Variants in ASAP1 observed in about 807,000 individuals in gnomAD.
ASAP1 encodes the protein ArfGAP with SH3 domain, ankyrin repeat and PH domain 1, also known as arf-GAP with SH3 domain, ANK repeat and PH domain-containing protein 1.
In ASAP1, 43 loss-of-function variants were observed where a neutral mutation model predicts 145.2. The ratio of observed to expected loss-of-function variants is 0.30; its 90% CI spans 0.23 to 0.38. The LOEUF (loss-of-function observed/expected upper bound fraction) is 0.38. ASAP1 is among the 10% of genes least tolerant of loss of function. The pLI is 1.00. For synonymous variants in ASAP1, 546 were observed against 515.5 expected, an observed-to-expected ratio of 1.06 and a Z score of -0.80; for missense variants, 1,018 against 1,355.3, an observed-to-expected ratio of 0.75 and a Z score of 3.91.
intron 2 of ASAP1, among the ~76,000 whole-genome samples, chr8:130,390,439 A>G (rs1016857945): frequency 2.6e-5 from 4 of 152,236 alleles, no homozygotes; most frequent in Non-Finnish European, 5.9e-5. Context: ...CACCAAACTC[A>G]GTCAAGATTT....
chr8:130,412,418 C>T (rs981045982), intron 1 of ASAP1, among the ~76,000 whole-genome samples: 1 of 151,902 alleles, frequency 6.6e-6, no homozygotes, highest in African/African-American at 2.4e-5. Flanking sequence ...CTTGCTCCTG[C>T]TTGGGCCATG....
At chr8:130,302,758 G>A (rs942054609) in intron 3 of ASAP1, among the ~76,000 whole-genome samples, 4 of 152,234 alleles carry the variant, frequency 2.6e-5, no homozygotes, top group Non-Finnish European at 5.9e-5. Context: ...GGGGCTAGGA[G>A]GAGCTGAATC....
At chr8:130,074,482 C>CAG (rs1211511318) in intron 27 of ASAP1, among the ~76,000 whole-genome samples, 13 of 142,234 alleles carry the variant, frequency 9.1e-5, no homozygotes, top group South Asian at 4.5e-4. Context: ...CACACACACA[C>CAG]ACACAGAGAG....
intron 1 of ASAP1, among the ~76,000 whole-genome samples, chr8:130,443,108 G>T (rs1381263780): frequency 6.6e-6 from 1 of 152,044 alleles, no homozygotes; most frequent in East Asian, 1.9e-4. Context: ...CGCCAAGCAC[G>T]TCGTCCCGGG....
At chr8:130,216,556 T>C (rs1392788874) in intron 4 of ASAP1, among the ~76,000 whole-genome samples, 1 of 152,182 alleles carries the variant, frequency 6.6e-6, no homozygotes, top group Non-Finnish European at 1.5e-5. Flanking sequence ...TCACGACTGG[T>C]CCTCTCCATT....
intron 3 of ASAP1, among the ~76,000 whole-genome samples, chr8:130,354,979 G>C (rs1826219736): frequency 6.6e-6 from 1 of 152,158 alleles, no homozygotes; most frequent in African/African-American, 2.4e-5. Context: ...TCGGCCTCCC[G>C]GGTTCATATG....
intron 24 of ASAP1, among the ~76,000 whole-genome samples, chr8:130,105,408 C>CA: frequency 6.6e-6 from 1 of 152,204 alleles, no homozygotes; most frequent in Non-Finnish European, 1.5e-5. Context: ...GATAACTGTA[C>CA]ATTGTGAAAT....
intron 2 of ASAP1, chr8:130,360,816 T>C (rs1334906556): frequency 2.6e-5 from 4 of 152,250 alleles, no homozygotes; most frequent in Non-Finnish European, 4.4e-5. Context: ...TCATGTGCCA[T>C]AGTTGACAGA....
chr8:130,136,926 A>G, intron 14 of ASAP1, 25 bp downstream of exon 14: 1 of 1,601,810 alleles, frequency 6.2e-7, no homozygotes, highest in Non-Finnish European at 8.6e-7. Context: ...ACAATAACCA[A>G]CTCAGAGAGA....
chr8:130,133,303 A>G (rs567018426), intron 15 of ASAP1, among the ~76,000 whole-genome samples: 1 of 152,350 alleles, frequency 6.6e-6, no homozygotes, highest in South Asian at 2.1e-4. Context: ...CAGGGCTAGC[A>G]TTTTAAAAAA....
At chr8:130,229,725 G>T (rs555449026) in intron 4 of ASAP1, among the ~76,000 whole-genome samples, 11 of 152,118 alleles carry the variant, frequency 7.2e-5, no homozygotes, top group African/African-American at 2.7e-4. Context: ...CAAATTTGTT[G>T]TTCATCCTAA....
chr8:130,132,399 A>G (rs1395180533), intron 15 of ASAP1, among the ~76,000 whole-genome samples: 2 of 152,116 alleles, frequency 1.3e-5, no homozygotes, highest in Non-Finnish European at 2.9e-5. Flanking sequence ...ACCCATAACA[A>G]CAAGTCATCA....
intron 13 of ASAP1, among the ~76,000 whole-genome samples, chr8:130,150,334 G>A (rs1216968579): frequency 2.0e-5 from 3 of 152,134 alleles, no homozygotes; most frequent in Non-Finnish European, 2.9e-5. Flanking sequence ...AGGGGGAAGG[G>A]AACTTATTTT....
At chr8:130,347,398 G>A (rs16904252) in intron 3 of ASAP1, among the ~76,000 whole-genome samples, 11,816 of 152,270 alleles carry the variant, frequency 0.078, 576 homozygotes, top group South Asian at 0.26. Flanking sequence ...CATCTTCCAA[G>A]CGTCACTGAG....
At chr8:130,129,905 T>A (rs6996058) in intron 15 of ASAP1, among the ~76,000 whole-genome samples, 94 of 152,312 alleles carry the variant, frequency 6.2e-4, no homozygotes, top group African/African-American at 2.2e-3. Flanking sequence ...TAAAACAGTA[T>A]TTTTTATATC....
intron 14 of ASAP1, among the ~76,000 whole-genome samples, chr8:130,135,667 G>A (rs1311286570): frequency 6.6e-6 from 1 of 152,128 alleles, no homozygotes; most frequent in East Asian, 1.9e-4. Context: ...AACTGATAGG[G>A]CTTTCATGAG....
chr8:130,201,331 T>C (rs977058621), intron 5 of ASAP1, among the ~76,000 whole-genome samples: 3 of 152,154 alleles, frequency 2.0e-5, no homozygotes. Context: ...CAAGACAAAT[T>C]ACACCATGTG....
chr8:130,256,910 G>A (rs192512672), intron 3 of ASAP1, among the ~76,000 whole-genome samples: 153 of 150,812 alleles, frequency 1.0e-3, no homozygotes, highest in African/African-American at 2.9e-3. Flanking sequence ...AAGGGATATC[G>A]ATGATTTAAG....
intron 3 of ASAP1, among the ~76,000 whole-genome samples, chr8:130,317,317 C>G (rs1823724429): frequency 6.6e-6 from 1 of 152,204 alleles, no homozygotes; most frequent in Non-Finnish European, 1.5e-5. Flanking sequence ...TGATATTCCT[C>G]CCTTCTCAGC....
Sources: gnomAD v4.1 joint callset for allele counts (sites outside exome capture counted in the v4.1 genomes callset) on GRCh38, gnomAD v4.1.1 for gene constraint, MANE v1.5 for transcripts, NCBI Gene and HGNC (gene_info 2026-07-23, HGNC 2026-07-21) for gene names.